The following ABR variants were observed in gnomAD, a reference collection of about 807,000 sequenced individuals.
The protein encoded by ABR is ABR activator of RhoGEF and GTPase, also known as active breakpoint cluster region-related protein.
A neutral mutation model predicts 107.2 loss-of-function variants in ABR; 35 were observed. That is an observed-to-expected ratio of 0.33 (90% CI 0.25 to 0.43). ABR has a LOEUF of 0.43. Ranked by LOEUF, ABR falls within the 20% of genes least tolerant of loss-of-function variation. The pLI, the probability that ABR is intolerant of heterozygous loss-of-function variation, is 1.00. For missense variants in ABR, 815 were observed against 1,115.2 expected, an observed-to-expected ratio of 0.73 and a Z score of 3.83; for synonymous variants, 498 against 462.0, an observed-to-expected ratio of 1.08 and a Z score of -1.00.
intron 3 of ABR, among the ~76,000 whole-genome samples, chr17:1,095,100 C>T (rs958855640): frequency 1.3e-5 from 2 of 152,214 alleles, no homozygotes; most frequent in South Asian, 2.1e-4. Context: ...TTCTTGTCCC[C>T]GCCTTGGCGC....
chr17:1,179,652 G>T lies in ABR; in HGVS notation c.61+15C>A, dbSNP rs1265639133. On this transcript the variant is annotated intron_variant, in intron 1 of 22. Transcript: ENST00000302538. The surrounding 1 kb of genome is among the most constrained non-coding windows in gnomAD (Gnocchi z 4.9). The stretch of plus-strand genomic sequence containing the variant: ...ATCCCGATCCTGGGGTCCCGCCCCC[G>T]CCCGGCACACGTACTGCTGTAGAGG... The T allele has an allele frequency of 3.3e-6, 5 of 1,526,812 alleles. No individual in the cohort carries two copies. The African/African-American group carries it at 5.7e-5, about 17-fold the overall frequency. The allele number at this position is 1,526,812 out of a possible 1,614,324, so 94.6% of individuals were successfully genotyped here.
chr17:1,067,090 T>C lies in ABR; in HGVS notation c.1169A>G (p.Glu390Gly), dbSNP rs1259648365. The C allele has an allele frequency of 6.2e-7, 1 of 1,613,494 alleles. No homozygotes were observed. The highest frequency in any genetic ancestry group is 1.7e-5 in the Admixed American group (1 of 59,922). Residue 390 changes from glutamate to glycine, a missense_variant, in exon 10 of 23, where the codon GAA becomes GGA. Physicochemically the swap from Glu to Gly is moderately conservative, Grantham distance 98. This residue lies in a region of ABR where 385 missense variants were observed against 596.9 expected (regional missense o/e 0.64). Transcript: ENST00000302538. ...MKMKISALKS[E>G]IQKEKANKGQ... is the part of the protein sequence containing the mutation. Reference sequence around the variant, plus strand: ...AGCTCTGCTCACCTCCTTCTGGATTTCACTCTTGAGGGCAGAGATCTTCAT... The same window carrying C: ...AGCTCTGCTCACCTCCTTCTGGATTCCACTCTTGAGGGCAGAGATCTTCAT...
rs143751868 is a variant in ABR, at chr17:1,071,589, C to T, written c.894+1025G>A. On this transcript the variant is annotated intron_variant, in intron 8 of 22. Coordinates refer to ENST00000302538, the MANE Select transcript of ABR (RefSeq NM_021962.5). The surrounding 1 kb of genome is among the most constrained non-coding windows in gnomAD (Gnocchi z 5.1). ...ACATGCAGGTGCCCACTGGACATTC[C>T]GGCAACCTGGACGGCCTCCACCACC... 2.4e-3 allele frequency among the ~76,000 whole-genome samples: 368 copies of T among 152,360 alleles called. 1 individual carries two copies. The highest frequency in any genetic ancestry group is 4.6e-3 in the Admixed American group (70 of 15,308).
intron 12 of ABR, among the ~76,000 whole-genome samples, chr17:1,057,308 TTGTGTGTGTGTGTGTGTGTG>T (rs750525310): frequency 1.6e-3 from 107 of 68,012 alleles, no homozygotes; most frequent in African/African-American, 4.6e-3. Context: ...CTGAAGAGGT[TTGTGTGTGTGTGTGTGTGTG>T]TGTGTGTGTG....
chr17:1,064,000 G>T (rs1234498673), intron 10 of ABR, among the ~76,000 whole-genome samples: 53 of 140,412 alleles, frequency 3.8e-4, no homozygotes, highest in Non-Finnish European at 5.0e-4. Flanking sequence ...TGTGAACTGA[G>T]GGTTATGCAT....
At chr17:1,019,440 C>T (rs919144972) in intron 16 of ABR, among the ~76,000 whole-genome samples, 4 of 151,788 alleles carry the variant, frequency 2.6e-5, no homozygotes, top group Admixed American at 2.6e-4. Flanking sequence ...TGACATCTTC[C>T]TGGTGCCTGC....
intron 1 of ABR, among the ~76,000 whole-genome samples, chr17:1,142,441 C>G (rs961860587): frequency 2.0e-5 from 3 of 151,968 alleles, no homozygotes; most frequent in African/African-American, 7.3e-5. Context: ...AAAAATTAGC[C>G]GGGTATGGTG....
rs920647664 is a variant in ABR at position 1,092,831 on chromosome 17, C to T, written c.346-981G>A. Among the ~76,000 whole-genome samples the T allele has an allele frequency of 8.6e-5, 13 of 151,910 alleles. No individual in the cohort carries two copies. Among genetic ancestry groups the T allele is most frequent in the African/African-American group, 2.9e-4 (12 of 41,460 alleles). ...GTGGCCAGAGGGAGAGCAGCCACGTCGAATTCTTTTTTTTTTGGAGACGGA... is the reference window on the plus strand; with the variant it reads ...GTGGCCAGAGGGAGAGCAGCCACGTTGAATTCTTTTTTTTTTGGAGACGGA... On this transcript the variant is annotated intron_variant, in intron 3 of 22. Transcript: ENST00000302538. The surrounding 1 kb of genome is among the most constrained non-coding windows in gnomAD (Gnocchi z 4.6).
chr17:1,213,919 G>A (rs1449345603), intron 1 of ABR, among the ~76,000 whole-genome samples: 21 of 151,902 alleles, frequency 1.4e-4, no homozygotes, highest in Admixed American at 6.6e-4. Flanking sequence ...ACCGAGTCTC[G>A]CCCTATCGCC....
intron 16 of ABR, among the ~76,000 whole-genome samples, chr17:1,040,560 G>A (rs539497508): frequency 4.6e-5 from 7 of 152,324 alleles, no homozygotes; most frequent in South Asian, 4.1e-4. Context: ...AAATAATGCT[G>A]CCTCGGCCAG....
intron 1 of ABR, among the ~76,000 whole-genome samples, chr17:1,214,219 C>T (rs773745462): frequency 2.6e-5 from 4 of 151,782 alleles, no homozygotes; most frequent in Non-Finnish European, 5.9e-5. Flanking sequence ...CTTGGACTTC[C>T]CCGCCCCCCA....
At position 1,073,667 on chromosome 17, in the gene ABR, G is replaced by A; in HGVS notation, c.711C>T (p.Tyr237=). Residue 237 remains tyrosine, a synonymous_variant, in exon 7 of 23, where the codon TAC becomes TAT. Coordinates refer to ENST00000302538, the MANE Select transcript of ABR (RefSeq NM_021962.5). ...TCCGAGTGACCCGGTCAATGGGCTT[G>A]TAGAGCAGAGCTGTCGGGGGAGACA... ...HTSVTMEALL[Y]KPIDRVTRST... The A allele has an allele frequency of 6.2e-7, 1 of 1,606,598 alleles. No individual in the cohort carries two copies. Among genetic ancestry groups the A allele is most frequent in the Non-Finnish European group, 8.5e-7 (1 of 1,175,596 alleles).
rs2070555138 is a variant in ABR, at chr17:1,011,623, CA to C, written c.2101+222del. The C allele has an allele frequency of 4.6e-6, 2 of 436,346 alleles. No individual in the cohort carries two copies. The highest frequency in any genetic ancestry group is 4.0e-5 in the Admixed American group (1 of 25,114). The allele number at this position is 436,346 out of a possible 1,614,324, so 27.0% of individuals were successfully genotyped here. A position where few individuals can be genotyped will look rare whatever the true frequency, so the allele number is the denominator to read the frequency against. The stretch of plus-strand genomic sequence containing the variant: ...AACCTACAAGTTGGGTCATCCTGGG[CA>C]AGTGAGTCGGCCCTTGTGAGTTTCT... On this transcript the variant is annotated intron_variant, in intron 19 of 22. Transcript: ENST00000302538. The surrounding 1 kb of genome is among the most constrained non-coding windows in gnomAD (Gnocchi z 4.8).
intron 1 of ABR, among the ~76,000 whole-genome samples, chr17:1,197,460 C>A (rs968598750): frequency 4.6e-5 from 7 of 151,642 alleles, no homozygotes; most frequent in Non-Finnish European, 1.0e-4. Flanking sequence ...GCCTTGAGCT[C>A]TAGGAGCCTC....
chr17:1,078,679 G>A lies in ABR; in HGVS notation c.700+651C>T. 1.1e-6 allele frequency: 1 copy of A among 914,818 alleles called. No homozygotes were observed. Among genetic ancestry groups the A allele is most frequent in the Non-Finnish European group, 1.6e-6 (1 of 613,516 alleles). 56.7% of individuals were successfully genotyped at this position (914,818 alleles called of 1,614,324 possible). On this transcript the variant is annotated intron_variant, in intron 6 of 22. Coordinates refer to ENST00000302538, the MANE Select transcript of ABR (RefSeq NM_021962.5). This position sits in a 1 kb window ranked among gnomAD's most constrained non-coding sequence, Gnocchi z 7.5. ...GGCTGGATGCCGCCAAAACGAAGGG[G>A]GAATTCAGGTCCAGCCGCTCGCCCA...
intron 1 of ABR, among the ~76,000 whole-genome samples, chr17:1,203,102 T>C (rs2150721882): frequency 6.6e-6 from 1 of 152,218 alleles, no homozygotes; most frequent in South Asian, 2.1e-4. Context: ...GCCAGGCTGG[T>C]CTCGAACTCC....
chr17:1,132,377 C>CT (rs782501170), intron 1 of ABR, among the ~76,000 whole-genome samples: 45,385 of 125,064 alleles, frequency 0.36, 9,063 homozygotes, highest in East Asian at 0.49. Flanking sequence ...ACCGAAAGCA[C>CT]TTTTTTTTTT....
At chr17:1,175,943 T>C (rs950761958) in intron 1 of ABR, among the ~76,000 whole-genome samples, 16 of 151,614 alleles carry the variant, frequency 1.1e-4, no homozygotes, top group African/African-American at 3.6e-4. Flanking sequence ...CACAAAAAAT[T>C]AGCCGGGCGT....
chr17:1,182,664 C>T (rs531049393), upstream of ABR, among the ~76,000 whole-genome samples: 1 of 152,336 alleles, frequency 6.6e-6, no homozygotes, highest in South Asian at 2.1e-4. Context: ...CCGCGCCCGG[C>T]CTGTTCATGC....
Sources: allele counts gnomAD v4.1 joint callset (sites outside exome capture counted in the v4.1 genomes callset), GRCh38; gene constraint gnomAD v4.1.1; regional missense constraint gnomAD v4.1.1; non-coding constraint Gnocchi (gnomAD v3.1); transcripts MANE v1.5; gene names NCBI Gene and HGNC (gene_info 2026-07-23, HGNC 2026-07-21).